Variants in CNNM1 observed in about 807,000 individuals in gnomAD.
CNNM1 encodes metal transporter CNNM1.
In CNNM1, 44 loss-of-function variants were observed where a neutral mutation model predicts 78.8. The observed-to-expected ratio is 0.56, with a 90% CI of 0.44 to 0.72. CNNM1 has a LOEUF of 0.72. CNNM1 is among the 30% of genes least tolerant of loss of function. The probability of loss-of-function intolerance (pLI) is 0.00; values close to 1 mark genes in which losing one functional copy is unlikely to be tolerated. For missense variants in CNNM1, 1,101 were observed against 1,292.2 expected, an observed-to-expected ratio of 0.85 and a Z score of 2.27; for synonymous variants, 584 against 581.5, an observed-to-expected ratio of 1.00 and a Z score of -0.06.
intron 3 of CNNM1, 50 bp downstream of exon 3, chr10:99,361,025 G>T: frequency 6.5e-7 from 1 of 1,531,282 alleles, no homozygotes; most frequent in East Asian, 2.3e-5. Flanking sequence ...CTCTAGGGTG[G>T]GACCCAGGCA....
chr10:99,350,889 T>C (rs1334374111), intron 1 of CNNM1, among the ~76,000 whole-genome samples: 1 of 152,026 alleles, frequency 6.6e-6, no homozygotes, highest in Non-Finnish European at 1.5e-5. Context: ...GTCCTGTGCA[T>C]TGAAGGATGT....
chr10:99,383,383 C>T (rs1182438543), intron 7 of CNNM1, among the ~76,000 whole-genome samples: 1 of 152,168 alleles, frequency 6.6e-6, no homozygotes, highest in Admixed American at 6.5e-5. Context: ...AAGCGATTCT[C>T]CTGCCTCAGC....
rs150538390 is a variant in CNNM1 at position 99,377,090 on chromosome 10, C to T, written c.2212C>T (p.Arg738Cys). ...CCCTTCTCGCTGCAGTGGGTTGAAT[C>T]GCTCTGAGTCTCCAAACCGAGAGCG... Reference protein sequence around the residue: ...RSPSRCSGLNRSESPNRERSD... With the variant: ...RSPSRCSGLNCSESPNRERSD... The change falls in exon 7 of 11, where the codon CGC becomes TGC. Residue 738 changes from arginine (R) to cysteine (C), a missense_variant. By Grantham distance (180) the Arg-to-Cys change is radical. This residue lies in a region of CNNM1 where 348 missense variants were observed against 384.5 expected (regional missense o/e 0.90). Coordinates refer to ENST00000356713, the MANE Select transcript of CNNM1 (RefSeq NM_020348.3). The T allele has an allele frequency of 8.5e-5, 132 of 1,553,302 alleles. No individual in the cohort carries two copies. The highest frequency in any genetic ancestry group is 5.1e-4 in the Middle Eastern group (3 of 5,872).
At chr10:99,343,969 C>T (rs1184596426) in intron 1 of CNNM1, among the ~76,000 whole-genome samples, 13 of 151,018 alleles carry the variant, frequency 8.6e-5, no homozygotes, top group Non-Finnish European at 1.3e-4. Flanking sequence ...GTGATCAGCC[C>T]GCCTTGGCCT....
rs867895736 is a variant in CNNM1 at position 99,330,164 on chromosome 10, C to G, written c.777C>G (p.Asn259Lys). ...CGGTGGAGTTACGGGTGCTGCGGAA[C>G]AGCGGCTCGGCCGCCGAGCAGGAGC... The part of the protein sequence containing the change: ...LDPVELRVLR[N>K]SGSAAEQEQA... The change falls in exon 1 of 11, where the codon AAC (asparagine) becomes AAG (lysine). Residue 259 changes from asparagine to lysine, a missense_variant. This residue lies in a region of CNNM1 where 476 missense variants were observed against 484.5 expected (regional missense o/e 0.98). Coordinates refer to ENST00000356713, the MANE Select transcript of CNNM1 (RefSeq NM_020348.3). 5 of 1,528,702 alleles carry G rather than the reference C, an allele frequency of 3.3e-6. No homozygotes were observed. Among genetic ancestry groups the G allele is most frequent in the African/African-American group, 1.4e-5 (1 of 72,774 alleles). The allele number at this position is 1,528,702 out of a possible 1,614,324, so 94.7% of individuals were successfully genotyped here. A position where few individuals can be genotyped will look rare whatever the true frequency, so the allele number is the denominator to read the frequency against.
At chr10:99,331,824 T>C (rs923407087) in intron 1 of CNNM1, among the ~76,000 whole-genome samples, 3 of 152,304 alleles carry the variant, frequency 2.0e-5, no homozygotes. Context: ...AGGATAGATC[T>C]GGACCTGAAG....
chr10:99,390,495 A>G (rs2134086888), intron 10 of CNNM1, 88 bp downstream of exon 10: 1 of 979,096 alleles, frequency 1.0e-6, no homozygotes, highest in Non-Finnish European at 1.6e-6. Context: ...TTGGGGGAGG[A>G]GCCATGGACT....
intron 1 of CNNM1, among the ~76,000 whole-genome samples, chr10:99,354,770 G>A (rs1001113420): frequency 9.2e-5 from 14 of 152,142 alleles, no homozygotes; most frequent in Admixed American, 2.0e-4. Flanking sequence ...TGGTATGCCT[G>A]AAGTATAGAA....
intron 2 of CNNM1, 38 bp from the exon 3 acceptor site, chr10:99,360,797 T>A (rs1180592839): frequency 6.5e-7 from 1 of 1,548,020 alleles, no homozygotes; most frequent in East Asian, 2.3e-5. Flanking sequence ...TCAACGTGAT[T>A]CTGAGATAGC....
chr10:99,386,889 C>T (rs925038374), intron 7 of CNNM1, among the ~76,000 whole-genome samples: 1 of 152,160 alleles, frequency 6.6e-6, no homozygotes, highest in African/African-American at 2.4e-5. Context: ...CGTTCACTAG[C>T]GCTAATGCAG....
rs190263473 is a variant in CNNM1, at chr10:99,344,686, C to T, written c.1574-12826C>T. On this transcript the variant is annotated intron_variant, in intron 1 of 10. Transcript: ENST00000356713. ...CCCCATCACTCTGCTCTTCCTCAGA[C>T]ATCTCAGGCAAATAAAAAAACCTGA... 3.2e-3 allele frequency among the ~76,000 whole-genome samples: 489 copies of T among 152,224 alleles called. 3 individuals are homozygous for T. The highest frequency in any genetic ancestry group is 0.011 in the African/African-American group (468 of 41,538).
intron 7 of CNNM1, among the ~76,000 whole-genome samples, chr10:99,379,309 AG>A (rs1384013708): frequency 6.6e-6 from 1 of 152,234 alleles, no homozygotes; most frequent in Non-Finnish European, 1.5e-5. Context: ...TACATAACCT[AG>A]GTAATTTCGG....
Position 99,388,141 on chromosome 10 carries a change from G to C in CNNM1, c.2525-11G>C, listed in dbSNP as rs745942896. Reference sequence around the variant, plus strand: ...AAAGCAGAGAGGTGATGCACTCACTGTCCTCCCCAGGCAGCCGCTCAGACG... The same window carrying C: ...AAAGCAGAGAGGTGATGCACTCACTCTCCTCCCCAGGCAGCCGCTCAGACG... On this transcript the variant is annotated splice_polypyrimidine_tract_variant and intron_variant, in intron 8 of 10. Transcript: ENST00000356713. 1.4e-5 allele frequency: 22 copies of C among 1,613,428 alleles called. No homozygotes were observed. The Admixed American group carries it at 2.3e-4, about 17-fold the overall frequency.
intron 1 of CNNM1, among the ~76,000 whole-genome samples, chr10:99,345,446 A>G (rs2030649985): frequency 6.6e-6 from 1 of 152,200 alleles, no homozygotes; most frequent in African/African-American, 2.4e-5. Flanking sequence ...CCCAGGGACT[A>G]GCCTAGCTTG....
chr10:99,341,889 A>T (rs892390381), intron 1 of CNNM1, among the ~76,000 whole-genome samples: 1 of 152,240 alleles, frequency 6.6e-6, no homozygotes, highest in African/African-American at 2.4e-5. Context: ...CTTTCTTAAC[A>T]AAGGATTCTA....
At chr10:99,331,724 C>T (rs780532116) in intron 1 of CNNM1, among the ~76,000 whole-genome samples, 2 of 151,454 alleles carry the variant, frequency 1.3e-5, no homozygotes, top group East Asian at 3.9e-4. Context: ...TGTCTTTGCC[C>T]GGGGGGGAGG....
Position 99,329,964 on chromosome 10 carries a change from G to T in CNNM1, c.577G>T (p.Ala193Ser). ...TTCACTCTGCGCCTGGGATGGGCGC[G>T]CGTGGCACCACCACGGCGCCGCCGG... ...LFSLCAWDGR[A>S]WHHHGAAGGF... Residue 193 changes from alanine to serine, a missense_variant, in exon 1 of 11, where the codon GCG (alanine) becomes TCG (serine). Physicochemically the swap from Ala to Ser is moderately conservative, Grantham distance 99 (BLOSUM62 1). Transcript: ENST00000356713. 1 of 1,385,320 alleles carries T rather than the reference G, an allele frequency of 7.2e-7. No homozygotes were observed. The highest frequency in any genetic ancestry group is 9.3e-7 in the Non-Finnish European group (1 of 1,080,750). The allele number at this position is 1,385,320 out of a possible 1,614,324, so 85.8% of individuals were successfully genotyped here.
chr10:99,371,839 G>A (rs1381921424), intron 6 of CNNM1, among the ~76,000 whole-genome samples: 1 of 152,032 alleles, frequency 6.6e-6, no homozygotes, highest in Non-Finnish European at 1.5e-5. Flanking sequence ...ACTCTTACAG[G>A]TCTATGTAAT....
chr10:99,368,564 G>A, intron 6 of CNNM1: 2 of 1,152,918 alleles, frequency 1.7e-6, no homozygotes, highest in Non-Finnish European at 1.2e-6. Context: ...CTTTCCTTTT[G>A]TGTTTATATC....
Sources: gnomAD v4.1 joint callset for allele counts (sites outside exome capture counted in the v4.1 genomes callset) on GRCh38, gnomAD v4.1.1 for gene constraint, gnomAD v4.1.1 regional missense constraint, MANE v1.5 for transcripts, NCBI Gene and HGNC (gene_info 2026-07-23, HGNC 2026-07-21) for gene names.